The following DENND5A variants were observed in gnomAD, a reference collection of about 807,000 sequenced individuals.
The protein encoded by DENND5A is DENN domain-containing protein 5A.
In DENND5A, 64 loss-of-function variants were observed where a neutral mutation model predicts 140.3. The observed-to-expected ratio is 0.46, with a 90% CI of 0.37 to 0.56. The LOEUF is 0.56. Ranked by LOEUF, DENND5A falls within the 20% of genes least tolerant of loss-of-function variation. DENND5A has a pLI of 0.00. For synonymous variants in DENND5A, 605 were observed against 607.7 expected (o/e 1.00, Z 0.07); for missense variants, 1,292 against 1,593.8 (o/e 0.81, Z 3.22).
intron 1 of DENND5A, among the ~76,000 whole-genome samples, chr11:9,235,236 T>C (rs1850951687): frequency 6.6e-6 from 1 of 152,096 alleles, no homozygotes; most frequent in South Asian, 2.1e-4. Context: ...CCAGTGTCCA[T>C]CAACAGATGA....
chr11:9,241,226 G>A (rs539281455), intron 1 of DENND5A, among the ~76,000 whole-genome samples: 26 of 152,150 alleles, frequency 1.7e-4, no homozygotes, highest in Non-Finnish European at 3.8e-4. Context: ...AGTCATGTAG[G>A]TGCGTAACAT....
At chr11:9,177,625 T>C (rs955936813) in intron 8 of DENND5A, among the ~76,000 whole-genome samples, 1 of 151,636 alleles carries the variant, frequency 6.6e-6, no homozygotes, top group African/African-American at 2.4e-5. Context: ...CACTGCATTT[T>C]AGCCTGGGTG....
chr11:9,179,069 T>A lies in DENND5A; in HGVS notation c.1460A>T (p.Glu487Val). ...ATTGCTGCTGGGGTCTTCACGCACT[T>A]CCAACTACAAAAAAAGAAAAAGCAG... ...KRTGVSLEKL[E>V]VREDPSSNKD... Residue 487 changes from glutamate to valine, a missense_variant, in exon 7 of 23, where the codon GAA becomes GTA. Coordinates refer to ENST00000328194, the MANE Select transcript of DENND5A (RefSeq NM_015213.4). 6.2e-7 allele frequency: 1 copy of A among 1,613,292 alleles called. No individual in the cohort carries two copies. The highest frequency in any genetic ancestry group is 8.5e-7 in the Non-Finnish European group (1 of 1,179,492).
At position 9,203,837 on chromosome 11, in the gene DENND5A, G is replaced by T. The variant is rs1245118875; in HGVS notation, c.772C>A (p.Arg258=). 3 of 1,614,134 alleles carry T rather than the reference G, an allele frequency of 1.9e-6. No individual in the cohort carries two copies. In the East Asian group the frequency reaches 6.7e-5, roughly 36 times the overall value. The change falls in exon 4 of 23, where the codon CGG becomes AGG. Residue 258 remains arginine, a synonymous_variant. Transcript: ENST00000328194. The part of the protein sequence containing the change: ...LYEVPLPPPG[R]SLKFSGVYGP... The stretch of plus-strand genomic sequence containing the variant: ...TAGACCCCAGAAAACTTCAAGGACC[G>T]GCCAGGAGGTGGGAGCGGCACCTCG...
At position 9,220,801 on chromosome 11, in the gene DENND5A, G is replaced by A. The variant is rs569137514; in HGVS notation, c.110-13169C>T. ...CCAGCTACTGGGGAGGCTGAGGTAC[G>A]AGAATTGCTTGAACCTGGGAGGCAG... On this transcript the variant is annotated intron_variant, in intron 1 of 22. Transcript: ENST00000328194. Among the ~76,000 whole-genome samples the A allele has an allele frequency of 5.3e-5, 8 of 152,120 alleles. No homozygotes were observed. The East Asian group carries it at 9.7e-4, about 18-fold the overall frequency.
At chr11:9,232,205 A>G (rs560694156) in intron 1 of DENND5A, among the ~76,000 whole-genome samples, 2 of 152,198 alleles carry the variant, frequency 1.3e-5, no homozygotes, top group African/African-American at 4.8e-5. Context: ...TATAAAATGC[A>G]CTAAACATTA....
chr11:9,221,840 C>A (rs1188193732), intron 1 of DENND5A, among the ~76,000 whole-genome samples: 3 of 152,100 alleles, frequency 2.0e-5, no homozygotes, highest in African/African-American at 7.2e-5. Context: ...TCACTGCAAC[C>A]TCTGCCTCCC....
chr11:9,190,072 G>A (rs549341979), intron 5 of DENND5A, among the ~76,000 whole-genome samples: 7 of 152,184 alleles, frequency 4.6e-5, no homozygotes, highest in African/African-American at 1.4e-4. Flanking sequence ...CTTTGTTTTT[G>A]GCCAATTTCT....
chr11:9,143,572 G>A (rs1350029073), intron 19 of DENND5A, 87 bp from the exon 20 acceptor site: 2 of 1,114,358 alleles, frequency 1.8e-6, no homozygotes, highest in East Asian at 2.4e-5. Context: ...GACACGGGGA[G>A]GGCCCATAGG....
rs762158285 is a variant in DENND5A, at chr11:9,143,397, G to T, written c.3387+6C>A. On this transcript the variant is annotated splice_donor_region_variant and intron_variant, in intron 20 of 22. Coordinates refer to ENST00000328194, the MANE Select transcript of DENND5A (RefSeq NM_015213.4). The stretch of plus-strand genomic sequence containing the variant: ...AGGCCCTGGATTGGAGGGCAGGAAG[G>T]CTCACCTCTTTCTCAGGCTTATGGA... The T allele has an allele frequency of 6.2e-7, 1 of 1,612,732 alleles. No homozygotes were observed. The highest frequency in any genetic ancestry group is 1.1e-5 in the South Asian group (1 of 91,046).
At chr11:9,205,245 T>C (rs966701873) in intron 3 of DENND5A, among the ~76,000 whole-genome samples, 5 of 152,154 alleles carry the variant, frequency 3.3e-5, no homozygotes, top group Admixed American at 1.3e-4. Flanking sequence ...AGAGGGGTTA[T>C]ATAAAGAAAC....
chr11:9,259,727 G>A (rs1376113690), intron 1 of DENND5A, among the ~76,000 whole-genome samples: 1 of 151,932 alleles, frequency 6.6e-6, no homozygotes, highest in Admixed American at 6.6e-5. Context: ...TTCTAAAGGT[G>A]ACATTAAGAG....
chr11:9,258,934 TTC>T (rs1260880582), intron 1 of DENND5A, among the ~76,000 whole-genome samples: 3 of 152,196 alleles, frequency 2.0e-5, no homozygotes, highest in Non-Finnish European at 4.4e-5. Flanking sequence ...AGTCACCTTT[TTC>T]TCTTTCTTAA....
chr11:9,226,599 A>G (rs1475730329), intron 1 of DENND5A, among the ~76,000 whole-genome samples: 2 of 152,230 alleles, frequency 1.3e-5, no homozygotes, highest in Non-Finnish European at 2.9e-5. Context: ...ATTTAACACA[A>G]TAAAGTTTTC....
chr11:9,234,211 C>T (rs997062612), intron 1 of DENND5A, among the ~76,000 whole-genome samples: 1 of 151,464 alleles, frequency 6.6e-6, no homozygotes, highest in Non-Finnish European at 1.5e-5. Flanking sequence ...AATATACCCT[C>T]CAAACCACAT....
At chr11:9,202,538 T>A (rs1245078393) in intron 4 of DENND5A, among the ~76,000 whole-genome samples, 2 of 152,178 alleles carry the variant, frequency 1.3e-5, no homozygotes, top group African/African-American at 2.4e-5. Flanking sequence ...CCCTCGCGAA[T>A]CTTCCGTAGC....
At chr11:9,259,800 G>A (rs1049156120) in intron 1 of DENND5A, among the ~76,000 whole-genome samples, 4 of 152,128 alleles carry the variant, frequency 2.6e-5, no homozygotes, top group East Asian at 3.9e-4. Flanking sequence ...AGGCCAATGC[G>A]GGTGGGTCAC....
chr11:9,172,451 G>A (rs530087925), intron 8 of DENND5A, among the ~76,000 whole-genome samples: 9 of 152,126 alleles, frequency 5.9e-5, no homozygotes, highest in African/African-American at 1.9e-4. Flanking sequence ...CTCCATGTCC[G>A]CACCCAAATC....
In DENND5A at chr11:9,169,876, A is replaced by T. The variant is rs1164888651; in HGVS notation, c.2131T>A (p.Leu711Ile). 1.9e-6 allele frequency: 3 copies of T among 1,612,432 alleles called. No homozygotes were observed. In the South Asian group the frequency reaches 3.3e-5, roughly 18 times the overall value. The change falls in exon 10 of 23, where the codon TTA becomes ATA. Residue 711 changes from leucine to isoleucine, a missense_variant. Physicochemically the swap from Leu to Ile is conservative, Grantham distance 5. Transcript: ENST00000328194. ...RQKQHTEHLR[L>I]DNDQREKYIQ... ...CTTACCTCCCTCTGGTCATTATCTA[A>T]ACGCAGGTGTTCTGTGTGCTGCTTC...
Sources: gnomAD v4.1 joint callset for allele counts (sites outside exome capture counted in the v4.1 genomes callset) on GRCh38, gnomAD v4.1.1 for gene constraint, MANE v1.5 for transcripts, NCBI Gene and HGNC (gene_info 2026-07-23, HGNC 2026-07-21) for gene names.